Variants in AP5M1 observed in about 807,000 individuals in gnomAD.
AP5M1 encodes the protein adaptor related protein complex 5 subunit mu 1.
In AP5M1, 44 loss-of-function variants were observed where a neutral mutation model predicts 52.3. The observed-to-expected ratio is 0.84, with a 90% CI of 0.66 to 1.08. The LOEUF (loss-of-function observed/expected upper bound fraction) is 1.08, where lower values mean the gene tolerates loss of function less well. Ranked by LOEUF, AP5M1 falls within the 50% of genes least tolerant of loss-of-function variation. AP5M1 has a pLI of 0.00. For missense variants in AP5M1, 526 were observed against 568.4 expected (o/e 0.93, Z 0.76); for synonymous variants, 213 against 199.0 (o/e 1.07, Z -0.59).
chr14:57,279,639 A>G (rs924211283), intron 2 of AP5M1, among the ~76,000 whole-genome samples: 2 of 152,184 alleles, frequency 1.3e-5, no homozygotes, highest in Non-Finnish European at 2.9e-5. Flanking sequence ...CCACGTTTAC[A>G]TATGTAACAA....
chr14:57,280,906 G>A (rs551513430), intron 3 of AP5M1, among the ~76,000 whole-genome samples: 104 of 151,312 alleles, frequency 6.9e-4, no homozygotes, highest in African/African-American at 2.4e-3. Flanking sequence ...CTTTGGTGTC[G>A]GTAACTATTT....
Position 57,296,745 on chromosome 14 carries a change from C to G in AP5M1, c.*7861C>G, listed in dbSNP as rs1433114943. The G allele has an allele frequency of 1.3e-5, 2 of 152,002 alleles. No individual in the cohort carries two copies. The highest frequency in any genetic ancestry group is 2.9e-5 in the Non-Finnish European group (2 of 67,986). 9.4% of individuals were successfully genotyped at this position (152,002 alleles called of 1,614,324 possible). On this transcript the variant is annotated 3_prime_UTR_variant, in exon 8 of 8. Coordinates refer to ENST00000261558, the MANE Select transcript of AP5M1 (RefSeq NM_018229.4). The stretch of plus-strand genomic sequence containing the variant: ...ATAAGGTATGGCTTGGAATTTAGAA[C>G]TGCTGAGCAATATGGTTGAGAGGGA...
At chr14:57,273,552 T>C (rs1480516757) in intron 1 of AP5M1, among the ~76,000 whole-genome samples, 6 of 152,214 alleles carry the variant, frequency 3.9e-5, no homozygotes. Flanking sequence ...GCATCTTCTG[T>C]TTCCAAGCAA....
rs1484192176 is a variant in AP5M1 at position 57,274,497 on chromosome 14, C to G, written c.328C>G (p.Pro110Ala). The G allele has an allele frequency of 1.9e-6, 3 of 1,614,000 alleles. No individual in the cohort carries two copies. The highest frequency in any genetic ancestry group is 2.5e-6 in the Non-Finnish European group (3 of 1,180,034). ...GAATGACATGATATATGCTTGTGTTCCACTAGTTGAACAAACTCTGTCCCC... is the reference window on the plus strand; with the variant it reads ...GAATGACATGATATATGCTTGTGTTGCACTAGTTGAACAAACTCTGTCCCC... ...LKNDMIYACV[P>A]LVEQTLSPRP... The change falls in exon 2 of 8, where the codon CCA (proline) becomes GCA (alanine). Residue 110 changes from proline (P) to alanine (A), a missense_variant. Around this residue, in one of 3 missense-constraint regions of AP5M1, gnomAD observed 425 missense variants for 430.6 expected, o/e 0.99. Coordinates refer to ENST00000261558, the MANE Select transcript of AP5M1 (RefSeq NM_018229.4).
Position 57,269,157 on chromosome 14 carries a change from C to A in AP5M1, c.-158C>A. 1 of 654,352 alleles carries A rather than the reference C, an allele frequency of 1.5e-6. No individual in the cohort carries two copies. The highest frequency in any genetic ancestry group is 1.9e-5 in the South Asian group (1 of 52,878). The allele number at this position is 654,352 out of a possible 1,614,324, so 40.5% of individuals were successfully genotyped here. On this transcript the variant is annotated 5_prime_UTR_variant, in exon 1 of 8. Coordinates refer to ENST00000261558, the MANE Select transcript of AP5M1 (RefSeq NM_018229.4). Reference sequence around the variant, plus strand: ...AGCGACTCAGAAGCGTTAGTGACTTCACCTAAAAAAGCTAACCTCTCTGCT... The same window carrying A: ...AGCGACTCAGAAGCGTTAGTGACTTAACCTAAAAAAGCTAACCTCTCTGCT...
In AP5M1 at chr14:57,289,138, G is replaced by A; in HGVS notation, c.*254G>A. The A allele has an allele frequency of 4.0e-6, 1 of 251,814 alleles. No individual in the cohort carries two copies. Among genetic ancestry groups the A allele is most frequent in the South Asian group, 5.7e-5 (1 of 17,602 alleles). 15.6% of individuals were successfully genotyped at this position (251,814 alleles called of 1,614,324 possible). A position where few individuals can be genotyped will look rare whatever the true frequency, so the allele number is the denominator to read the frequency against. On this transcript the variant is annotated 3_prime_UTR_variant, in exon 8 of 8. Transcript: ENST00000261558. ...ACATAGAAAAGTAATGATTCACTTG[G>A]GCTCATTTTAGACTGGTCCTGGGTC...
chr14:57,287,973 T>C (rs552635821), intron 7 of AP5M1, among the ~76,000 whole-genome samples: 2 of 152,156 alleles, frequency 1.3e-5, no homozygotes, highest in African/African-American at 4.8e-5. Context: ...AGCTTGCAAA[T>C]GGCAGAACTG....
Position 57,294,637 on chromosome 14 carries a change from T to C in AP5M1, c.*5753T>C, listed in dbSNP as rs1266373621. ...ATAGGTGTGTTTAGTGTGAAGAATG[T>C]GATACCATTGAACTTCCAGACTACT... On this transcript the variant is annotated 3_prime_UTR_variant, in exon 8 of 8. Transcript: ENST00000261558. 1 of 151,924 alleles carries C rather than the reference T, an allele frequency of 6.6e-6. No homozygotes were observed. The highest frequency in any genetic ancestry group is 2.4e-5 in the African/African-American group (1 of 41,412). 9.4% of individuals were successfully genotyped at this position (151,924 alleles called of 1,614,324 possible). A position where few individuals can be genotyped will look rare whatever the true frequency, so the allele number is the denominator to read the frequency against.
At position 57,274,362 on chromosome 14, in the gene AP5M1, G is replaced by A; in HGVS notation, c.193G>A (p.Asp65Asn). The change falls in exon 2 of 8, where the codon GAT (aspartate) becomes AAT (asparagine). Residue 65 changes from aspartate (D) to asparagine (N), a missense_variant. Physicochemically the swap from Asp to Asn is conservative, Grantham distance 23. Transcript: ENST00000261558. ...LLFELRLLDD[D>N]KDFVESRDSC... ...CTTTGAACTTAGATTATTGGATGATGATAAAGACTTCGTTGAGAGTCGTGA... is the reference window on the plus strand; with the variant it reads ...CTTTGAACTTAGATTATTGGATGATAATAAAGACTTCGTTGAGAGTCGTGA... 6.2e-7 allele frequency: 1 copy of A among 1,614,168 alleles called. No homozygotes were observed. Among genetic ancestry groups the A allele is most frequent in the South Asian group, 1.1e-5 (1 of 91,080 alleles).
intron 1 of AP5M1, 35 bp downstream of exon 1, chr14:57,269,423 T>G: frequency 6.2e-7 from 1 of 1,606,436 alleles, no homozygotes; most frequent in South Asian, 1.1e-5. Context: ...GGATGATGGA[T>G]CAGAAGATCG....
Position 57,296,398 on chromosome 14 carries a change from ATTAC to A in AP5M1, c.*7519_*7522del, listed in dbSNP as rs1292539943. Reference sequence around the variant, plus strand: ...TAAGAAACTGTTAGCCTGTTACTTTATTACTTACCATTTCTATAACATGTACATT... The same window carrying A: ...TAAGAAACTGTTAGCCTGTTACTTTATTACCATTTCTATAACATGTACATT... On this transcript the variant is annotated 3_prime_UTR_variant, in exon 8 of 8. Coordinates refer to ENST00000261558, the MANE Select transcript of AP5M1 (RefSeq NM_018229.4). 2.0e-5 allele frequency: 3 copies of A among 152,038 alleles called. No homozygotes were observed. The highest frequency in any genetic ancestry group is 6.6e-5 in the Admixed American group (1 of 15,228). 9.4% of individuals were successfully genotyped at this position (152,038 alleles called of 1,614,324 possible).
intron 2 of AP5M1, among the ~76,000 whole-genome samples, chr14:57,277,763 T>C (rs1353761418): frequency 8.3e-6 from 1 of 120,718 alleles, no homozygotes; most frequent in Non-Finnish European, 1.6e-5. Context: ...AGTAGGTTTA[T>C]AATTAGAAAA....
rs757015812 is a variant in AP5M1, at chr14:57,269,335, G to C, written c.21G>C (p.Trp7Cys). Residue 7 changes from tryptophan (W) to cysteine (C), a missense_variant, in exon 1 of 8, where the codon TGG (tryptophan) becomes TGC (cysteine). This residue lies in a region of AP5M1 where 425 missense variants were observed against 430.6 expected (regional missense o/e 0.99). Transcript: ENST00000261558. ...TAACCATGGCGCAGCGGGCAGTGTG[G>C]CTCATAAGCCACGAACCGGGAACTC... MAQRAVWLISHEPGTPL... is the reference protein window; with the variant it reads MAQRAVCLISHEPGTPL... 24 of 1,614,168 alleles carry C rather than the reference G, an allele frequency of 1.5e-5. No homozygotes were observed. In the African/African-American group the frequency reaches 3.1e-4, roughly 21 times the overall value.
rs1430451187 is a variant in AP5M1 at position 57,288,912 on chromosome 14, AATG to A, written c.*31_*33del. ...GTCTCATGTTTAAATGGGATTATATAATGATAACAGTTTAAAGAAAATCATAAT... is the reference window on the plus strand; with the variant it reads ...GTCTCATGTTTAAATGGGATTATATAATAACAGTTTAAAGAAAATCATAAT... On this transcript the variant is annotated 3_prime_UTR_variant, in exon 8 of 8. Coordinates refer to ENST00000261558, the MANE Select transcript of AP5M1 (RefSeq NM_018229.4). 3.1e-6 allele frequency: 4 copies of A among 1,288,164 alleles called. No individual in the cohort carries two copies. The highest frequency in any genetic ancestry group is 4.4e-6 in the Non-Finnish European group (4 of 911,106). The allele number at this position is 1,288,164 out of a possible 1,614,324, so 79.8% of individuals were successfully genotyped here.
In AP5M1 at chr14:57,288,957, G is replaced by A. The variant is rs943361715; in HGVS notation, c.*73G>A. The A allele has an allele frequency of 2.3e-6, 2 of 882,172 alleles. No homozygotes were observed. Among genetic ancestry groups the A allele is most frequent in the Non-Finnish European group, 3.5e-6 (2 of 566,920 alleles). 54.6% of individuals were successfully genotyped at this position (882,172 alleles called of 1,614,324 possible). A position where few individuals can be genotyped will look rare whatever the true frequency, so the allele number is the denominator to read the frequency against. On this transcript the variant is annotated 3_prime_UTR_variant, in exon 8 of 8. Coordinates refer to ENST00000261558, the MANE Select transcript of AP5M1 (RefSeq NM_018229.4). ...AATCATAATCTTATATTTTTAATGT[G>A]GATGCATATAACCTGTGAGTGAAAA...
At chr14:57,278,448 G>T (rs1456800771) in intron 2 of AP5M1, 1 of 152,190 alleles carries the variant, frequency 6.6e-6, no homozygotes, top group Non-Finnish European at 1.5e-5. Context: ...AGGAGCTCAA[G>T]GACAGGTTTG....
In AP5M1 at chr14:57,298,729, G is replaced by C. The variant is rs1275793702; in HGVS notation, c.*9845G>C. On this transcript the variant is annotated 3_prime_UTR_variant, in exon 8 of 8. Coordinates refer to ENST00000261558, the MANE Select transcript of AP5M1 (RefSeq NM_018229.4). ...AATGGGTGTTTGGAGTTAATAAAAT[G>C]GCTGTACAATTGAGTGGGTGTAAGT... 1.3e-5 allele frequency: 2 copies of C among 152,118 alleles called. No homozygotes were observed. The highest frequency in any genetic ancestry group is 2.9e-5 in the Non-Finnish European group (2 of 68,006). The allele number at this position is 152,118 out of a possible 1,614,324, so 9.4% of individuals were successfully genotyped here.
rs888962937 is a variant in AP5M1 at position 57,293,701 on chromosome 14, CCAT to C, written c.*4820_*4822del. 3.3e-5 allele frequency: 5 copies of C among 151,452 alleles called. No homozygotes were observed. The highest frequency in any genetic ancestry group is 1.2e-4 in the African/African-American group (5 of 41,326). 9.4% of individuals were successfully genotyped at this position (151,452 alleles called of 1,614,324 possible). On this transcript the variant is annotated 3_prime_UTR_variant, in exon 8 of 8. Transcript: ENST00000261558. ...AAAACAGGATATATTTTGAAATTCA[CCAT>C]CACAGAATATATATATATATACACA...
chr14:57,273,007 G>A (rs1436125106), intron 1 of AP5M1, among the ~76,000 whole-genome samples: 2 of 151,792 alleles, frequency 1.3e-5, no homozygotes, highest in Non-Finnish European at 2.9e-5. Context: ...GCTCGGCTCG[G>A]CTCGGCTCAT....
Sources: allele counts gnomAD v4.1 joint callset (sites outside exome capture counted in the v4.1 genomes callset), GRCh38; gene constraint gnomAD v4.1.1; regional missense constraint gnomAD v4.1.1; transcripts MANE v1.5; gene names NCBI Gene and HGNC (gene_info 2026-07-23, HGNC 2026-07-21).